The following SREBF2 variants were observed in gnomAD, a reference collection of about 807,000 sequenced individuals.
The protein encoded by SREBF2 is sterol regulatory element-binding protein 2.
A neutral mutation model predicts 113.1 loss-of-function variants in SREBF2; 55 were observed. The ratio of observed to expected loss-of-function variants is 0.49; its 90% CI spans 0.39 to 0.61. The LOEUF (loss-of-function observed/expected upper bound fraction) is 0.61. Ranked by LOEUF, SREBF2 falls within the 20% of genes least tolerant of loss-of-function variation. The pLI, the probability that SREBF2 is intolerant of heterozygous loss-of-function variation, is 0.00. For synonymous variants in SREBF2, 593 were observed against 605.7 expected, an observed-to-expected ratio of 0.98 and a Z score of 0.31; for missense variants, 1,349 against 1,487.4, an observed-to-expected ratio of 0.91 and a Z score of 1.53.
intron 1 of SREBF2, among the ~76,000 whole-genome samples, chr22:41,842,170 A>ATTTTG (rs1387738577): frequency 6.6e-6 from 1 of 152,210 alleles, no homozygotes; most frequent in African/African-American, 2.4e-5. Context: ...ATCAAAATAA[A>ATTTTG]ATACATAAAA....
At chr22:41,834,999 T>C (rs555699765) in intron 1 of SREBF2, among the ~76,000 whole-genome samples, 2 of 152,244 alleles carry the variant, frequency 1.3e-5, no homozygotes, top group African/African-American at 2.4e-5. Context: ...GGGTGGTTCA[T>C]TAATTTACTG....
intron 1 of SREBF2, among the ~76,000 whole-genome samples, chr22:41,859,824 T>C (rs900999859): frequency 2.2e-5 from 3 of 139,156 alleles, no homozygotes; most frequent in Admixed American, 2.1e-4. Flanking sequence ...TTTTTTTTTT[T>C]TTTTGAGACG....
chr22:41,845,069 T>G (rs2076864770), intron 1 of SREBF2, among the ~76,000 whole-genome samples: 1 of 151,808 alleles, frequency 6.6e-6, no homozygotes, highest in Non-Finnish European at 1.5e-5. Context: ...TAGCTGGGAT[T>G]ACAGGTGTGT....
rs774314001 is a variant in SREBF2 at position 41,897,132 on chromosome 22, C to T, written c.2576C>T (p.Ser859Phe). The T allele has an allele frequency of 4.3e-6, 7 of 1,611,970 alleles. No homozygotes were observed. In the African/African-American group the frequency reaches 8.0e-5, roughly 18 times the overall value. ...DSVGVMSPPL[S>F]RSSVLKSALG... is the part of the protein sequence containing the mutation. Reference sequence around the variant, plus strand: ...GTGGGGGTTATGAGCCCCCCACTCTCCAGGAGCTCCGTGCTCAAGTCCGCC... The same window carrying T: ...GTGGGGGTTATGAGCCCCCCACTCTTCAGGAGCTCCGTGCTCAAGTCCGCC... Residue 859 changes from serine (S) to phenylalanine (F), a missense_variant, in exon 14 of 19, where the codon TCC (serine) becomes TTC (phenylalanine). By Grantham distance (155) the Ser-to-Phe change is radical. Coordinates refer to ENST00000361204, the MANE Select transcript of SREBF2 (RefSeq NM_004599.4).
chr22:41,874,128 G>A lies in SREBF2; in HGVS notation c.1089+109G>A, dbSNP rs17848345. The A allele has an allele frequency of 3.9e-4, 422 of 1,070,806 alleles. 5 individuals carry two copies. The East Asian group carries it at 0.01, about 26-fold the overall frequency. The allele number at this position is 1,070,806 out of a possible 1,614,324, so 66.3% of individuals were successfully genotyped here. ...GCTCAAGGTAAGTGAATACAAGACC[G>A]AGTTAGAGGTGCTTTTTTATTAAAG... On this transcript the variant is annotated intron_variant, in intron 5 of 18. Transcript: ENST00000361204.
At chr22:41,844,297 G>A (rs1340851054) in intron 1 of SREBF2, among the ~76,000 whole-genome samples, 2 of 152,114 alleles carry the variant, frequency 1.3e-5, no homozygotes, top group African/African-American at 4.8e-5. Context: ...AATGAATGAG[G>A]AACTGAATGA....
At chr22:41,900,678 CT>C (rs960558890) in intron 16 of SREBF2, among the ~76,000 whole-genome samples, 180 bp downstream of exon 16, 1 of 152,232 alleles carries the variant, frequency 6.6e-6, no homozygotes, top group African/African-American at 2.4e-5. Context: ...TTTTTCATCC[CT>C]TTTCAGCCTC....
chr22:41,871,796 G>A (rs563414981), intron 4 of SREBF2, among the ~76,000 whole-genome samples: 173 of 152,018 alleles, frequency 1.1e-3, no homozygotes, highest in African/African-American at 4.0e-3. Context: ...CTACTCAGGA[G>A]GCTGAGGCAG....
At chr22:41,901,037 T>A (rs904364272) in intron 16 of SREBF2, 1 of 512,574 alleles carries the variant, frequency 2.0e-6, no homozygotes, top group Non-Finnish European at 4.0e-6. Flanking sequence ...CTCGAGAGAC[T>A]GCCCTGACTG....
intron 1 of SREBF2, among the ~76,000 whole-genome samples, chr22:41,850,482 T>G (rs2076917944): frequency 1.3e-5 from 2 of 151,466 alleles, no homozygotes; most frequent in African/African-American, 4.9e-5. Flanking sequence ...CATGATTACC[T>G]AAGTGCCCCT....
At chr22:41,840,734 C>G (rs2076822570) in intron 1 of SREBF2, among the ~76,000 whole-genome samples, 1 of 152,180 alleles carries the variant, frequency 6.6e-6, no homozygotes, top group Non-Finnish European at 1.5e-5. Flanking sequence ...TCTCTGGAAG[C>G]TTTTGGGATC....
intron 13 of SREBF2, among the ~76,000 whole-genome samples, chr22:41,895,939 C>T (rs552520794): frequency 2.6e-5 from 4 of 151,970 alleles, no homozygotes; most frequent in East Asian, 3.9e-4. Flanking sequence ...GTCAGGAGAT[C>T]GAGACCATCC....
At chr22:41,883,502 G>C (rs4822064) in intron 10 of SREBF2, among the ~76,000 whole-genome samples, 30,579 of 152,136 alleles carry the variant, frequency 0.2, 4,060 homozygotes, top group Admixed American at 0.34. Context: ...CCCATACTCA[G>C]GTCTCTGATC....
chr22:41,853,743 A>T (rs1338109212), intron 1 of SREBF2, among the ~76,000 whole-genome samples: 1 of 152,196 alleles, frequency 6.6e-6, no homozygotes, highest in Non-Finnish European at 1.5e-5. Context: ...TCTGGTTCAG[A>T]AAGCATGATC....
At chr22:41,870,395 A>G (rs2077128528) in intron 3 of SREBF2, among the ~76,000 whole-genome samples, 1 of 151,868 alleles carries the variant, frequency 6.6e-6, no homozygotes. Flanking sequence ...AGGCTGAGGC[A>G]GGTGGATTTC....
At chr22:41,858,250 G>T (rs1319755049) in intron 1 of SREBF2, among the ~76,000 whole-genome samples, 3 of 152,088 alleles carry the variant, frequency 2.0e-5, no homozygotes, top group Non-Finnish European at 4.4e-5. Context: ...TACTTGTTGG[G>T]CAGCTCTAAT....
intron 11 of SREBF2, among the ~76,000 whole-genome samples, chr22:41,889,081 G>C (rs1283917880): frequency 6.6e-6 from 1 of 152,138 alleles, no homozygotes; most frequent in Non-Finnish European, 1.5e-5. Flanking sequence ...CTATGTCTCA[G>C]TAAATTTTTC....
At chr22:41,863,154 A>G (rs2077041747) in intron 1 of SREBF2, among the ~76,000 whole-genome samples, 1 of 152,228 alleles carries the variant, frequency 6.6e-6, no homozygotes, top group Non-Finnish European at 1.5e-5. Context: ...TTATCTTATT[A>G]ATCCTCAGGG....
At chr22:41,860,588 C>G (rs1030074567) in intron 1 of SREBF2, among the ~76,000 whole-genome samples, 1 of 152,066 alleles carries the variant, frequency 6.6e-6, no homozygotes, top group South Asian at 2.1e-4. Context: ...TTAATAATGC[C>G]GAATAACTTG....
Sources: gnomAD v4.1 joint callset for allele counts (sites outside exome capture counted in the v4.1 genomes callset) on GRCh38, gnomAD v4.1.1 for gene constraint, MANE v1.5 for transcripts, NCBI Gene and HGNC (gene_info 2026-07-23, HGNC 2026-07-21) for gene names.